Variants in PHF21A observed in about 807,000 individuals in gnomAD.
PHF21A encodes PHD finger protein 21A, also known as BHC80a.
PHF21A carries 11 observed loss-of-function variants against 82.5 expected under a neutral mutation model. The ratio of observed to expected loss-of-function variants is 0.13; its 90% CI spans 0.08 to 0.22. The LOEUF is 0.22. Ranked by LOEUF, PHF21A falls within the 10% of genes least tolerant of loss-of-function variation. The pLI is 1.00. For synonymous variants in PHF21A, 297 were observed against 302.8 expected (o/e 0.98, Z 0.20); for missense variants, 579 against 837.8 (o/e 0.69, Z 3.81).
chr11:45,943,758 A>T (rs994138169), intron 15 of PHF21A, among the ~76,000 whole-genome samples: 1 of 152,224 alleles, frequency 6.6e-6, no homozygotes, highest in African/African-American at 2.4e-5. Flanking sequence ...AGGTGGAAAA[A>T]TCTGATAGAA....
chr11:46,037,519 T>C (rs1327833014), intron 6 of PHF21A, among the ~76,000 whole-genome samples: 1 of 151,940 alleles, frequency 6.6e-6, no homozygotes, highest in African/African-American at 2.4e-5. Flanking sequence ...CGCATGCCTG[T>C]AATCCCAGCT....
At chr11:45,981,218 T>A (rs2094263973) in intron 6 of PHF21A, among the ~76,000 whole-genome samples, 1 of 151,726 alleles carries the variant, frequency 6.6e-6, no homozygotes, top group Non-Finnish European at 1.5e-5. Flanking sequence ...AAACCCCATC[T>A]CCGCTAAAAA....
intron 1 of PHF21A, among the ~76,000 whole-genome samples, chr11:46,116,361 T>A (rs1478510211): frequency 1.3e-5 from 2 of 152,204 alleles, no homozygotes; most frequent in East Asian, 3.8e-4. Flanking sequence ...GTAAGAATTT[T>A]TCAGAAAGTT....
intron 7 of PHF21A, among the ~76,000 whole-genome samples, chr11:45,979,063 C>A (rs1565372891): frequency 6.6e-6 from 1 of 151,516 alleles, no homozygotes; most frequent in Non-Finnish European, 1.5e-5. Flanking sequence ...GTTGCCCAGG[C>A]TGGAGTGCAG....
At chr11:46,079,101 T>C in intron 5 of PHF21A, 33 bp downstream of exon 5, 1 of 1,334,998 alleles carries the variant, frequency 7.5e-7, no homozygotes, top group Admixed American at 2.0e-5. Flanking sequence ...TTTTTAAATT[T>C]AACAATTAAA....
chr11:45,997,275 T>A (rs1355745069), intron 6 of PHF21A, among the ~76,000 whole-genome samples: 1 of 152,236 alleles, frequency 6.6e-6, no homozygotes, highest in African/African-American at 2.4e-5. Context: ...TACATTGCTG[T>A]ATGTTTTTAT....
At chr11:45,937,112 C>T (rs540437150) in intron 16 of PHF21A, among the ~76,000 whole-genome samples, 8 of 152,274 alleles carry the variant, frequency 5.3e-5, no homozygotes, top group East Asian at 1.9e-4. Context: ...AGAAGTGTTC[C>T]GCTGCACCAC....
At chr11:46,002,125 T>C (rs1485982796) in intron 6 of PHF21A, among the ~76,000 whole-genome samples, 1 of 152,222 alleles carries the variant, frequency 6.6e-6, no homozygotes. Flanking sequence ...AATGCTTTCA[T>C]TAAAATTTAG....
At chr11:45,978,057 T>C (rs1236435669) in intron 7 of PHF21A, among the ~76,000 whole-genome samples, 1 of 152,094 alleles carries the variant, frequency 6.6e-6, no homozygotes, top group Non-Finnish European at 1.5e-5. Flanking sequence ...ATCCTAGCAC[T>C]TTGGGAGGCC....
intron 6 of PHF21A, among the ~76,000 whole-genome samples, chr11:46,050,323 T>C (rs1040477451): frequency 6.6e-5 from 10 of 152,236 alleles, no homozygotes; most frequent in African/African-American, 2.2e-4. Flanking sequence ...CTGGGTCTTG[T>C]TGAAGAAAAG....
At chr11:45,995,096 A>C (rs1008336938) in intron 6 of PHF21A, among the ~76,000 whole-genome samples, 4 of 152,186 alleles carry the variant, frequency 2.6e-5, no homozygotes, top group African/African-American at 9.7e-5. Context: ...GAGAAGAGAC[A>C]ATTATTTCCA....
chr11:46,037,385 T>C (rs1024158794), intron 6 of PHF21A, among the ~76,000 whole-genome samples: 2 of 152,216 alleles, frequency 1.3e-5, no homozygotes, highest in Non-Finnish European at 2.9e-5. Flanking sequence ...CTCATGCCTG[T>C]GATCCCAGCA....
intron 12 of PHF21A, 46 bp downstream of exon 12, chr11:45,950,160 G>C (rs757723103): frequency 7.1e-7 from 1 of 1,405,348 alleles, no homozygotes; most frequent in South Asian, 1.2e-5. Flanking sequence ...CAGGAACAAA[G>C]CTGTGGGCCA....
chr11:46,048,544 C>T (rs2096291778), intron 6 of PHF21A, among the ~76,000 whole-genome samples: 2 of 151,930 alleles, frequency 1.3e-5, no homozygotes, highest in Non-Finnish European at 2.9e-5. Flanking sequence ...CCGAGGCAGG[C>T]AGGTCACCTG....
intron 15 of PHF21A, among the ~76,000 whole-genome samples, chr11:45,945,457 A>G (rs1406488314): frequency 6.6e-6 from 1 of 152,222 alleles, no homozygotes; most frequent in African/African-American, 2.4e-5. Context: ...AGCAGCAAAC[A>G]AGGGCTGCTG....
chr11:45,991,186 C>A (rs2094686670), intron 6 of PHF21A, among the ~76,000 whole-genome samples: 1 of 152,108 alleles, frequency 6.6e-6, no homozygotes, highest in Non-Finnish European at 1.5e-5. Flanking sequence ...ATGTAAGGTT[C>A]TTCTATGTTT....
At chr11:45,956,044 CT>C (rs2092613304) in intron 10 of PHF21A, among the ~76,000 whole-genome samples, 1 of 152,190 alleles carries the variant, frequency 6.6e-6, no homozygotes. Context: ...AAAAAAACCC[CT>C]ATCAACCAAG....
rs1359621719 is a variant in PHF21A at position 45,931,940 on chromosome 11, G to C, written c.*2028C>G. The stretch of plus-strand genomic sequence containing the variant: ...AGCCGAGGCAAGCGCAGCAATTCTA[G>C]CCCAGGGTCACCCAGGAGGCTTGTG... On this transcript the variant is annotated 3_prime_UTR_variant, in exon 19 of 19. Coordinates refer to ENST00000676320, the MANE Select transcript of PHF21A (RefSeq NM_001352027.3). 6.6e-6 allele frequency: 1 copy of C among 152,336 alleles called. No individual in the cohort carries two copies. The highest frequency in any genetic ancestry group is 1.9e-4 in the East Asian group (1 of 5,192). 9.4% of individuals were successfully genotyped at this position (152,336 alleles called of 1,614,324 possible). A position where few individuals can be genotyped will look rare whatever the true frequency, so the allele number is the denominator to read the frequency against.
chr11:45,980,015 A>C, intron 6 of PHF21A, 49 bp from the exon 7 acceptor site: 1 of 1,611,432 alleles, frequency 6.2e-7, no homozygotes, highest in Non-Finnish European at 8.5e-7. Flanking sequence ...ATACTGCTCT[A>C]TCAGCTGCAC....
Sources: allele counts gnomAD v4.1 joint callset (sites outside exome capture counted in the v4.1 genomes callset), GRCh38; gene constraint gnomAD v4.1.1; transcripts MANE v1.5; gene names NCBI Gene and HGNC (gene_info 2026-07-23, HGNC 2026-07-21).